The following KIAA1328 variants were observed in gnomAD, a reference collection of about 807,000 sequenced individuals.
The protein encoded by KIAA1328 is KIAA1328.
A neutral mutation model predicts 68.1 loss-of-function variants in KIAA1328; 52 were observed. That is an observed-to-expected ratio of 0.76 (90% CI 0.61 to 0.96). KIAA1328 has a LOEUF of 0.96. Among genes scored for constraint, KIAA1328 ranks in the 40% least tolerant of loss-of-function variants. KIAA1328 has a pLI of 0.00. For missense variants in KIAA1328, 641 were observed against 677.6 expected (o/e 0.95, Z 0.60); for synonymous variants, 232 against 239.4 (o/e 0.97, Z 0.28).
chr18:36,965,478 T>C (rs2051883028), intron 6 of KIAA1328, among the ~76,000 whole-genome samples: 2 of 137,634 alleles, frequency 1.5e-5, no homozygotes, highest in Non-Finnish European at 3.1e-5. Context: ...ACCCTGTCTC[T>C]ACTAAAAATA....
At chr18:37,101,237 C>T (rs904376984) in intron 7 of KIAA1328, among the ~76,000 whole-genome samples, 3 of 151,876 alleles carry the variant, frequency 2.0e-5, no homozygotes, top group Admixed American at 6.6e-5. Context: ...GGAGGAAGTT[C>T]GAAGCCATGG....
intron 7 of KIAA1328, among the ~76,000 whole-genome samples, chr18:37,153,847 C>CT (rs1461885454): frequency 2.1e-5 from 2 of 96,646 alleles, no homozygotes; most frequent in Non-Finnish European, 4.0e-5. Flanking sequence ...AGGACTTGTT[C>CT]TTTTTCTTTT....
intron 5 of KIAA1328, among the ~76,000 whole-genome samples, chr18:36,949,869 A>G (rs2051086631): frequency 6.6e-6 from 1 of 152,182 alleles, no homozygotes; most frequent in Non-Finnish European, 1.5e-5. Flanking sequence ...GTCATCAGGA[A>G]ATTGAAAAAT....
At chr18:36,836,607 T>A (rs1465635327) in intron 3 of KIAA1328, among the ~76,000 whole-genome samples, 1 of 152,130 alleles carries the variant, frequency 6.6e-6, no homozygotes, top group Non-Finnish European at 1.5e-5. Flanking sequence ...TTTAGTCAAC[T>A]CTCTTTTTTT....
At chr18:37,177,284 C>A (rs1319406507) in intron 9 of KIAA1328, among the ~76,000 whole-genome samples, 6 of 152,082 alleles carry the variant, frequency 3.9e-5, no homozygotes, top group African/African-American at 9.7e-5. Flanking sequence ...GAAATCTTGT[C>A]ACCTTTAAAA....
chr18:37,213,098 T>C (rs1363720043), intron 9 of KIAA1328, among the ~76,000 whole-genome samples: 1 of 152,198 alleles, frequency 6.6e-6, no homozygotes, highest in Non-Finnish European at 1.5e-5. Context: ...GTGATATAAT[T>C]AAAAGCAACA....
intron 9 of KIAA1328, among the ~76,000 whole-genome samples, chr18:37,210,738 A>G (rs2060300985): frequency 1.3e-5 from 2 of 152,208 alleles, no homozygotes; most frequent in African/African-American, 4.8e-5. Flanking sequence ...AAAATCCCAT[A>G]GGAATTCATT....
chr18:37,176,213 A>T (rs2059594520), intron 9 of KIAA1328, among the ~76,000 whole-genome samples: 2 of 152,212 alleles, frequency 1.3e-5, no homozygotes, highest in Non-Finnish European at 2.9e-5. Flanking sequence ...ACTTGCAGTT[A>T]CAATGTGTAA....
intron 7 of KIAA1328, among the ~76,000 whole-genome samples, chr18:37,122,679 G>A (rs192487854): frequency 6.6e-6 from 1 of 152,226 alleles, no homozygotes; most frequent in East Asian, 1.9e-4. Context: ...CCAGCAGGTA[G>A]TAAGGGTATT....
intron 5 of KIAA1328, among the ~76,000 whole-genome samples, chr18:36,939,537 A>C (rs1428429572): frequency 6.6e-6 from 1 of 152,112 alleles, no homozygotes; most frequent in African/African-American, 2.4e-5. Flanking sequence ...ATCATCAGCA[A>C]ACAAAAAATT....
chr18:37,100,467 TG>T (rs2057573153), intron 7 of KIAA1328, among the ~76,000 whole-genome samples: 1 of 152,066 alleles, frequency 6.6e-6, no homozygotes, highest in Admixed American at 6.5e-5. Flanking sequence ...GCAGCAAGGC[TG>T]GGGGAGGGGC....
intron 3 of KIAA1328, among the ~76,000 whole-genome samples, chr18:36,836,856 T>C (rs1478875722): frequency 2.0e-5 from 3 of 152,134 alleles, no homozygotes; most frequent in East Asian, 1.9e-4. Context: ...TTGCTTGTTA[T>C]TGATGTTGCA....
intron 6 of KIAA1328, among the ~76,000 whole-genome samples, chr18:36,964,532 G>C (rs957751525): frequency 6.6e-6 from 1 of 152,034 alleles, no homozygotes; most frequent in African/African-American, 2.4e-5. Flanking sequence ...TATGATTTTT[G>C]TTTTTGACAT....
chr18:37,117,348 T>G (rs951928866), intron 7 of KIAA1328, among the ~76,000 whole-genome samples: 1 of 152,152 alleles, frequency 6.6e-6, no homozygotes, highest in Non-Finnish European at 1.5e-5. Context: ...TTGTGGGACA[T>G]GGATGAAGCT....
chr18:36,938,143 C>A (rs2050575629), intron 5 of KIAA1328, among the ~76,000 whole-genome samples: 1 of 152,112 alleles, frequency 6.6e-6, no homozygotes, highest in South Asian at 2.1e-4. Flanking sequence ...GAACACATAG[C>A]AATTCTATTT....
intron 9 of KIAA1328, among the ~76,000 whole-genome samples, chr18:37,191,677 T>A (rs1568516035): frequency 6.6e-6 from 1 of 152,030 alleles, no homozygotes; most frequent in Non-Finnish European, 1.5e-5. Flanking sequence ...AAAGGCTGCA[T>A]GTTCCCCCAT....
intron 6 of KIAA1328, among the ~76,000 whole-genome samples, chr18:37,058,233 C>T (rs1282491373): frequency 6.6e-6 from 1 of 152,146 alleles, no homozygotes. Flanking sequence ...TGTTTTCCCC[C>T]ACCTGAGACC....
intron 5 of KIAA1328, among the ~76,000 whole-genome samples, chr18:36,918,484 C>G (rs570484920): frequency 3.8e-4 from 56 of 147,136 alleles, no homozygotes; most frequent in African/African-American, 1.2e-3. Flanking sequence ...GCAATCTTGG[C>G]TCACTGCAAC....
chr18:37,177,630 A>C (rs997711388), intron 9 of KIAA1328, among the ~76,000 whole-genome samples: 1 of 152,164 alleles, frequency 6.6e-6, no homozygotes, highest in African/African-American at 2.4e-5. Context: ...TTTTTAAAGA[A>C]AGATGAGTTT....
Sources: allele counts gnomAD v4.1 joint callset (sites outside exome capture counted in the v4.1 genomes callset), GRCh38; gene constraint gnomAD v4.1.1; transcripts MANE v1.5; gene names NCBI Gene and HGNC (gene_info 2026-07-23, HGNC 2026-07-21).